SULT2A1: variants seen among roughly 807,000 people sequenced by gnomAD.
SULT2A1 encodes the protein sulfotransferase 2A1.
A neutral mutation model predicts 33.9 loss-of-function variants in SULT2A1; 43 were observed. The observed-to-expected ratio is 1.27, with a 90% CI of 1.00 to 1.64. The LOEUF is 1.64. Among genes scored for constraint, SULT2A1 ranks in the 40% most tolerant of loss-of-function variants. The pLI is 0.00. For synonymous variants in SULT2A1, 125 were observed against 113.6 expected, an observed-to-expected ratio of 1.10 and a Z score of -0.64; for missense variants, 300 against 335.1, an observed-to-expected ratio of 0.90 and a Z score of 0.82.
intron 4 of SULT2A1, among the ~76,000 whole-genome samples, chr19:47,877,837 A>C (rs1399413219): frequency 1.3e-5 from 2 of 152,214 alleles, no homozygotes; most frequent in East Asian, 1.9e-4. Flanking sequence ...GGCGTGAGCC[A>C]CTGAGCTTGG....
rs1206719395 is a variant in SULT2A1, at chr19:47,882,106, A to C, written c.450T>G (p.Phe150Leu). ...IKKPKSWEEY[F>L]EWFCQGTVLY... ...CACCAGTTCCTTGACAAAACCATTC[A>C]AAATATTCTTCCCATGACTTTGGTT... Residue 150 changes from phenylalanine to leucine, a missense_variant, in exon 3 of 6, where the codon TTT becomes TTG. Coordinates refer to ENST00000222002, the MANE Select transcript of SULT2A1 (RefSeq NM_003167.4). 6.2e-7 allele frequency: 1 copy of C among 1,613,872 alleles called. No individual in the cohort carries two copies. Among genetic ancestry groups the C allele is most frequent in the Admixed American group, 1.7e-5 (1 of 59,916 alleles).
rs1297163936 is a variant in SULT2A1 at position 47,871,282 on chromosome 19, G to A, written c.*173C>T. 1.0e-5 allele frequency: 6 copies of A among 597,518 alleles called. No individual in the cohort carries two copies. Among genetic ancestry groups the A allele is most frequent in the East Asian group, 5.7e-5 (2 of 35,092 alleles). 37.0% of individuals were successfully genotyped at this position (597,518 alleles called of 1,614,324 possible). ...TGGGATTACAGGCATGAACCACCGT[G>A]CCTGGCCAACCCTGGTAACTTTTAA... On this transcript the variant is annotated 3_prime_UTR_variant, in exon 6 of 6. Transcript: ENST00000222002.
intron 4 of SULT2A1, among the ~76,000 whole-genome samples, chr19:47,878,537 C>T (rs1233765401): frequency 7.7e-6 from 1 of 130,502 alleles, no homozygotes; most frequent in Non-Finnish European, 1.6e-5. Flanking sequence ...GAGACAGAGT[C>T]GTGCTCTATC....
At chr19:47,883,523 ATAT>A in intron 2 of SULT2A1, 51 bp downstream of exon 2, 1 of 1,527,568 alleles carries the variant, frequency 6.5e-7, no homozygotes, top group African/African-American at 1.4e-5. Context: ...ACTTATAGGC[ATAT>A]CAGTGTTTGA....
chr19:47,871,638 A>G (rs1199243075), intron 5 of SULT2A1, 71 bp from the exon 6 acceptor site: 3 of 1,018,752 alleles, frequency 2.9e-6, no homozygotes, highest in African/African-American at 1.6e-5. Context: ...GGCACCTGAC[A>G]TGGACATTGT....
intron 5 of SULT2A1, among the ~76,000 whole-genome samples, chr19:47,874,282 T>C (rs1968521067): frequency 1.3e-5 from 2 of 152,104 alleles, no homozygotes; most frequent in African/African-American, 4.8e-5. Context: ...GGCTCATGCC[T>C]GTAATCCCAG....
chr19:47,879,356 A>G (rs1444295553), intron 3 of SULT2A1, among the ~76,000 whole-genome samples: 1 of 152,170 alleles, frequency 6.6e-6, no homozygotes, highest in African/African-American at 2.4e-5. Flanking sequence ...CAGTTTTCAC[A>G]CTGCTGTGAA....
chr19:47,877,690 C>A (rs1009177931), intron 4 of SULT2A1, among the ~76,000 whole-genome samples: 1 of 151,884 alleles, frequency 6.6e-6, no homozygotes, highest in Non-Finnish European at 1.5e-5. Flanking sequence ...GCTGGGACTA[C>A]AGGTGCCTGC....
At position 47,883,707 on chromosome 19, in the gene SULT2A1, C is replaced by T. The variant is rs765075147; in HGVS notation, c.215G>A (p.Trp72Ter). The T allele has an allele frequency of 1.2e-5, 20 of 1,614,126 alleles. No homozygotes were observed. The highest frequency in any genetic ancestry group is 1.6e-5 in the Non-Finnish European group (19 of 1,180,020). ...ACTCTCTACCCAGGGTGATCGCTCC[C>T]AGATGGGCACAGATTGGATCCACTT... ...DAKWIQSVPI[W>*]ERSPWVESEI... Residue 72 changes from tryptophan to a stop codon, truncating the protein, a stop_gained, in exon 2 of 6, where the codon TGG becomes TAG. Coordinates refer to ENST00000222002, the MANE Select transcript of SULT2A1 (RefSeq NM_003167.4). LOFTEE classifies it high-confidence loss of function.
At chr19:47,875,153 C>A (rs1968530935) in intron 4 of SULT2A1, among the ~76,000 whole-genome samples, 1 of 47,238 alleles carries the variant, frequency 2.1e-5, no homozygotes, top group African/African-American at 1.1e-4. Flanking sequence ...AGAGTGAGAC[C>A]TTGTCAAAAA....
At chr19:47,884,015 G>A (rs1968629086) in intron 1 of SULT2A1, among the ~76,000 whole-genome samples, 1 of 150,604 alleles carries the variant, frequency 6.6e-6, no homozygotes, top group African/African-American at 2.4e-5. Flanking sequence ...CTGAGGCAGA[G>A]AATTGCTTGA....
At chr19:47,883,973 G>A (rs1427625831) in intron 1 of SULT2A1, among the ~76,000 whole-genome samples, 188 bp from the exon 2 acceptor site, 1 of 151,294 alleles carries the variant, frequency 6.6e-6, no homozygotes, top group African/African-American at 2.4e-5. Flanking sequence ...AGGTATGGTG[G>A]CGGGCGCCTA....
chr19:47,877,090 A>AAG (rs1689046930), intron 4 of SULT2A1, among the ~76,000 whole-genome samples: 1 of 151,346 alleles, frequency 6.6e-6, no homozygotes, highest in East Asian at 2.0e-4. Flanking sequence ...AAAAAAAAAA[A>AAG]AAAAGAAATT....
rs1290365762 is a variant in SULT2A1 at position 47,882,100 on chromosome 19, C to G, written c.456G>C (p.Trp152Cys). The G allele has an allele frequency of 1.9e-6, 3 of 1,613,724 alleles. No homozygotes were observed. In the Admixed American group the frequency reaches 5.0e-5, roughly 27 times the overall value. ...KPKSWEEYFE[W>C]FCQGTVLYGS... Reference sequence around the variant, plus strand: ...AACACTCACCAGTTCCTTGACAAAACCATTCAAAATATTCTTCCCATGACT... The same window carrying G: ...AACACTCACCAGTTCCTTGACAAAAGCATTCAAAATATTCTTCCCATGACT... Residue 152 changes from tryptophan (W) to cysteine (C), a missense_variant, in exon 3 of 6, where the codon TGG (tryptophan) becomes TGC (cysteine). By Grantham distance (215) the Trp-to-Cys change is radical. Transcript: ENST00000222002.
At chr19:47,873,624 T>C (rs1968514003) in intron 5 of SULT2A1, among the ~76,000 whole-genome samples, 1 of 124,918 alleles carries the variant, frequency 8.0e-6, no homozygotes, top group Admixed American at 8.3e-5. Context: ...CTTTTTTTTT[T>C]TTTTTTTTTT....
intron 1 of SULT2A1, among the ~76,000 whole-genome samples, chr19:47,884,625 G>T (rs890428021): frequency 4.6e-5 from 7 of 151,734 alleles, no homozygotes; most frequent in South Asian, 4.1e-4. Flanking sequence ...AAGTATCTGA[G>T]ACCTCAGGCA....
chr19:47,876,639 G>A (rs540758766), intron 4 of SULT2A1, among the ~76,000 whole-genome samples: 8 of 151,820 alleles, frequency 5.3e-5, no homozygotes, highest in Non-Finnish European at 1.0e-4. Context: ...GTGTTGTAGT[G>A]CATGCCTGTA....
intron 3 of SULT2A1, among the ~76,000 whole-genome samples, chr19:47,880,744 A>C: frequency 6.6e-6 from 1 of 151,530 alleles, no homozygotes; most frequent in African/African-American, 2.4e-5. Flanking sequence ...ATGCCACCAC[A>C]CTCGGCTAAT....
rs1968656084 is a variant in SULT2A1 at position 47,886,241 on chromosome 19, A to G, written c.17T>C (p.Leu6Ser). The change falls in exon 1 of 6, where the codon TTA becomes TCA. Residue 6 changes from leucine to serine, a missense_variant. Transcript: ENST00000222002. MSDDF[L>S]WFEGIAFPTM... ...AGGGAAAGCTATGCCTTCAAACCATAAGAAATCGTCCGACATGATGATGAC... is the reference window on the plus strand; with the variant it reads ...AGGGAAAGCTATGCCTTCAAACCATGAGAAATCGTCCGACATGATGATGAC... The G allele has an allele frequency of 1.9e-6, 3 of 1,613,886 alleles. No homozygotes were observed. The African/African-American group carries it at 4.0e-5, about 22-fold the overall frequency.
Sources: gnomAD v4.1 joint callset for allele counts (sites outside exome capture counted in the v4.1 genomes callset) on GRCh38, gnomAD v4.1.1 for gene constraint, MANE v1.5 for transcripts, NCBI Gene and HGNC (gene_info 2026-07-23, HGNC 2026-07-21) for gene names.